PTPN14: variants seen among roughly 807,000 people sequenced by gnomAD.
PTPN14 encodes tyrosine-protein phosphatase non-receptor type 14.
In PTPN14, 53 loss-of-function variants were observed where a neutral mutation model predicts 126.8. That is an observed-to-expected ratio of 0.42 (90% CI 0.34 to 0.53). The LOEUF is 0.53. PTPN14 is among the 20% of genes least tolerant of loss of function. The pLI is 0.08. For synonymous variants in PTPN14, 630 were observed against 599.3 expected (o/e 1.05, Z -0.75); for missense variants, 1,257 against 1,552.9 (o/e 0.81, Z 3.20).
chr1:214,449,330 A>G (rs547334279), intron 3 of PTPN14, among the ~76,000 whole-genome samples: 13 of 152,120 alleles, frequency 8.5e-5, no homozygotes, highest in Non-Finnish European at 1.8e-4. Context: ...AAGCTTAAAC[A>G]ACCTTTTTCT....
chr1:214,444,268 T>A (rs1660095753), intron 3 of PTPN14, among the ~76,000 whole-genome samples: 1 of 152,178 alleles, frequency 6.6e-6, no homozygotes, highest in African/African-American at 2.4e-5. Context: ...ATATCTAAAA[T>A]ATCTGGCAGA....
intron 1 of PTPN14, among the ~76,000 whole-genome samples, chr1:214,491,729 C>G (rs1661255689): frequency 6.6e-6 from 1 of 152,126 alleles, no homozygotes; most frequent in Non-Finnish European, 1.5e-5. Flanking sequence ...CAATGAAAAA[C>G]TGCAGCACTT....
intron 5 of PTPN14, among the ~76,000 whole-genome samples, chr1:214,405,107 C>T (rs897728205): frequency 2.6e-5 from 4 of 152,232 alleles, no homozygotes; most frequent in Non-Finnish European, 4.4e-5. Flanking sequence ...TGGGCCTTTA[C>T]ATGCCCATCC....
At chr1:214,372,906 G>C in intron 15 of PTPN14, 67 bp from the exon 16 acceptor site, 1 of 1,590,874 alleles carries the variant, frequency 6.3e-7, no homozygotes, top group Non-Finnish European at 8.6e-7. Context: ...CTGATCACCT[G>C]TCCATCTGTA....
chr1:214,396,242 T>A (rs77410287), intron 8 of PTPN14, among the ~76,000 whole-genome samples: 11,979 of 152,254 alleles, frequency 0.079, 500 homozygotes, highest in Middle Eastern at 0.11. Flanking sequence ...TAGACACAAA[T>A]AAGTACCTGA....
chr1:214,502,034 G>C (rs1654713260), intron 1 of PTPN14, among the ~76,000 whole-genome samples: 1 of 144,976 alleles, frequency 6.9e-6, no homozygotes, highest in African/African-American at 2.6e-5. Context: ...CCTCCAGCCT[G>C]GGCGACGGTG....
intron 3 of PTPN14, among the ~76,000 whole-genome samples, chr1:214,448,363 T>C (rs914210019): frequency 2.6e-5 from 4 of 151,530 alleles, no homozygotes; most frequent in African/African-American, 9.7e-5. Flanking sequence ...CCCGCGTAGC[T>C]GGGACTACAG....
chr1:214,550,123 T>C (rs1056408119), intron 1 of PTPN14, among the ~76,000 whole-genome samples: 5 of 152,228 alleles, frequency 3.3e-5, no homozygotes, highest in African/African-American at 1.2e-4. Flanking sequence ...CCATGTATTA[T>C]CATTCTTCAC....
intron 3 of PTPN14, among the ~76,000 whole-genome samples, chr1:214,424,710 T>G (rs1452773750): frequency 6.6e-6 from 1 of 152,048 alleles, no homozygotes; most frequent in Non-Finnish European, 1.5e-5. Flanking sequence ...TTTTATTATT[T>G]TTTATTTTTG....
chr1:214,438,985 C>A (rs1477654234), intron 3 of PTPN14, among the ~76,000 whole-genome samples: 3 of 152,180 alleles, frequency 2.0e-5, no homozygotes, highest in Non-Finnish European at 4.4e-5. Context: ...GTTTACAGAG[C>A]CTGACCAAGA....
At chr1:214,418,887 C>T (rs969354820) in intron 3 of PTPN14, among the ~76,000 whole-genome samples, 3 of 152,118 alleles carry the variant, frequency 2.0e-5, no homozygotes, top group African/African-American at 4.8e-5. Context: ...TGTTAATTTT[C>T]GAAGAAGGAT....
intron 1 of PTPN14, among the ~76,000 whole-genome samples, chr1:214,488,355 A>C (rs2102414436): frequency 6.6e-6 from 1 of 152,322 alleles, no homozygotes; most frequent in Admixed American, 6.5e-5. Context: ...AAAACTGTTT[A>C]AGACAGACAC....
intron 1 of PTPN14, among the ~76,000 whole-genome samples, chr1:214,542,848 CT>C (rs1381703731): frequency 6.6e-6 from 1 of 152,126 alleles, no homozygotes; most frequent in Non-Finnish European, 1.5e-5. Context: ...TGTGGAGAAC[CT>C]TAAACATCAA....
At chr1:214,390,460 C>A (rs937766248) in intron 11 of PTPN14, among the ~76,000 whole-genome samples, 1 of 152,054 alleles carries the variant, frequency 6.6e-6, no homozygotes, top group African/African-American at 2.4e-5. Context: ...TATGGAAGTG[C>A]TTTGGAATTC....
chr1:214,542,179 T>C (rs1339967048), intron 1 of PTPN14, among the ~76,000 whole-genome samples: 1 of 152,208 alleles, frequency 6.6e-6, no homozygotes, highest in Non-Finnish European at 1.5e-5. Context: ...CACACACATA[T>C]AGTATGCATG....
Position 214,384,853 on chromosome 1 carries a change from C to A in PTPN14, c.1067-65G>T. Reference sequence around the variant, plus strand: ...ATCCTGCCACAACAAAGTACATCCTCATACTCATGAGGTGACTTTTAATTT... The same window carrying A: ...ATCCTGCCACAACAAAGTACATCCTAATACTCATGAGGTGACTTTTAATTT... On this transcript the variant is annotated intron_variant, in intron 12 of 18. Coordinates refer to ENST00000366956, the MANE Select transcript of PTPN14 (RefSeq NM_005401.5). This position sits in a 1 kb window ranked among gnomAD's most constrained non-coding sequence, Gnocchi z 5.3. 1 of 1,535,608 alleles carries A rather than the reference C, an allele frequency of 6.5e-7. No homozygotes were observed. The highest frequency in any genetic ancestry group is 8.8e-7 in the Non-Finnish European group (1 of 1,140,818).
chr1:214,399,007 T>C (rs2102560479), intron 7 of PTPN14, among the ~76,000 whole-genome samples: 1 of 152,072 alleles, frequency 6.6e-6, no homozygotes, highest in South Asian at 2.1e-4. Flanking sequence ...GACCTCGTGA[T>C]CCACCCGCCT....
chr1:214,421,992 A>C (rs1323260053), intron 3 of PTPN14, among the ~76,000 whole-genome samples: 1 of 152,174 alleles, frequency 6.6e-6, no homozygotes, highest in African/African-American at 2.4e-5. Flanking sequence ...CTCTGTCGTG[A>C]TCAGTACCTG....
chr1:214,394,850 C>T (rs1571971620), intron 9 of PTPN14, 49 bp downstream of exon 9: 1 of 1,532,834 alleles, frequency 6.5e-7, no homozygotes, highest in African/African-American at 1.4e-5. Context: ...TTGAAAAGTC[C>T]AAAAGCCAGT....
Sources: allele counts gnomAD v4.1 joint callset (sites outside exome capture counted in the v4.1 genomes callset), GRCh38; gene constraint gnomAD v4.1.1; non-coding constraint Gnocchi (gnomAD v3.1); transcripts MANE v1.5; gene names NCBI Gene and HGNC (gene_info 2026-07-23, HGNC 2026-07-21).